Variants in ANKFY1 observed in about 807,000 individuals in gnomAD.
ANKFY1 encodes ankyrin repeat and FYVE domain containing 1.
In ANKFY1, 47 loss-of-function variants were observed where a neutral mutation model predicts 128.3. The observed-to-expected ratio is 0.37, with a 90% CI of 0.29 to 0.47. The LOEUF (loss-of-function observed/expected upper bound fraction) is 0.47, where lower values mean the gene tolerates loss of function less well. ANKFY1 is among the 20% of genes least tolerant of loss of function. ANKFY1 has a pLI of 1.00. For synonymous variants in ANKFY1, 553 were observed against 601.6 expected (o/e 0.92, Z 1.18); for missense variants, 1,222 against 1,510.6 (o/e 0.81, Z 3.17).
intron 7 of ANKFY1, among the ~76,000 whole-genome samples, chr17:4,202,663 C>T (rs1378525969): frequency 3.1e-5 from 4 of 129,652 alleles, no homozygotes; most frequent in Non-Finnish European, 6.2e-5. Context: ...TGCCACTGCA[C>T]TTCAGCCTGG....
intron 2 of ANKFY1, among the ~76,000 whole-genome samples, chr17:4,239,021 G>A (rs558616227): frequency 1.2e-3 from 177 of 152,202 alleles, no homozygotes; most frequent in Non-Finnish European, 2.3e-3. Flanking sequence ...GCCTCCCAAA[G>A]TGCTGGGATT....
intron 3 of ANKFY1, among the ~76,000 whole-genome samples, chr17:4,221,625 T>C (rs1345991688): frequency 6.6e-6 from 1 of 152,204 alleles, no homozygotes; most frequent in Non-Finnish European, 1.5e-5. Context: ...AACTGTTTTT[T>C]TCTTTTTATT....
chr17:4,200,063 A>AT (rs71383528), intron 7 of ANKFY1, among the ~76,000 whole-genome samples: 73,685 of 142,428 alleles, frequency 0.52, 20,305 homozygotes, highest in South Asian at 0.65. Context: ...GGTTTTGGGG[A>AT]TTTTTTTTTT....
chr17:4,224,577 G>A (rs984143247), intron 3 of ANKFY1, among the ~76,000 whole-genome samples: 9 of 151,738 alleles, frequency 5.9e-5, no homozygotes, highest in Non-Finnish European at 1.2e-4. Context: ...CAATATGAGA[G>A]GAAGAAAATT....
At chr17:4,177,979 C>T (rs536577449) in intron 18 of ANKFY1, 2 of 152,676 alleles carry the variant, frequency 1.3e-5, no homozygotes, top group East Asian at 1.9e-4. Flanking sequence ...CACGGCACGC[C>T]GCTTCACAGG....
intron 1 of ANKFY1, among the ~76,000 whole-genome samples, chr17:4,261,428 C>G (rs1019656529): frequency 1.3e-5 from 2 of 152,152 alleles, no homozygotes; most frequent in African/African-American, 4.8e-5. Context: ...TGTGGTGAGC[C>G]AAGATTGCGC....
At chr17:4,202,485 T>G (rs1199127705) in intron 7 of ANKFY1, among the ~76,000 whole-genome samples, 1 of 148,680 alleles carries the variant, frequency 6.7e-6, no homozygotes, top group Non-Finnish European at 1.5e-5. Context: ...GATCACGAGG[T>G]CAGGAGATCG....
At chr17:4,211,706 A>G (rs1486138176) in intron 4 of ANKFY1, among the ~76,000 whole-genome samples, 1 of 152,052 alleles carries the variant, frequency 6.6e-6, no homozygotes, top group African/African-American at 2.4e-5. Context: ...TGTCTCTACC[A>G]AAACAATTGA....
At chr17:4,229,081 G>A (rs2060472660) in intron 3 of ANKFY1, among the ~76,000 whole-genome samples, 1 of 152,086 alleles carries the variant, frequency 6.6e-6, no homozygotes, top group Non-Finnish European at 1.5e-5. Context: ...CAAAATATTT[G>A]CAATGTAGTC....
Position 4,248,950 on chromosome 17 carries a change from C to T in ANKFY1, c.11-6502G>A, listed in dbSNP as rs181351169. 1.3e-3 allele frequency: 210 copies of T among 165,910 alleles called. 1 individual carries two copies. The highest frequency in any genetic ancestry group is 4.7e-3 in the African/African-American group (196 of 41,814). 10.3% of individuals were successfully genotyped at this position (165,910 alleles called of 1,614,324 possible). ...TGAGTGCAGTCTATGATCAGACTTT[C>T]AATAAGTATTCTTTCTGATAGTTCA... is the stretch of plus-strand genomic sequence containing the variant. On this transcript the variant is annotated intron_variant, in intron 1 of 24. Coordinates refer to ENST00000341657, the MANE Select transcript of ANKFY1 (RefSeq NM_001330063.2).
At chr17:4,261,261 G>A (rs150204278) in intron 1 of ANKFY1, among the ~76,000 whole-genome samples, 34 of 152,324 alleles carry the variant, frequency 2.2e-4, no homozygotes, top group Non-Finnish European at 4.0e-4. Flanking sequence ...GGCCGAGGCC[G>A]GCAGATCAGC....
intron 1 of ANKFY1, among the ~76,000 whole-genome samples, chr17:4,252,315 C>A (rs1391921083): frequency 1.1e-4 from 16 of 152,038 alleles, no homozygotes; most frequent in Admixed American, 1.0e-3. Context: ...ACCTATAATC[C>A]CAAAAGTTTG....
rs138378482 is a variant in ANKFY1, at chr17:4,179,260, T to C, written c.2398-203A>G. 1,652 of 625,292 alleles carry C rather than the reference T, an allele frequency of 2.6e-3. 26 individuals are homozygous for C. The highest frequency in any genetic ancestry group is 0.024 in the East Asian group (857 of 35,530). 38.7% of individuals were successfully genotyped at this position (625,292 alleles called of 1,614,324 possible). A position where few individuals can be genotyped will look rare whatever the true frequency, so the allele number is the denominator to read the frequency against. ...ACACCACGTTCCAGTGACCCAGTGG[T>C]GACCGTAGGACCAGCACAAACATGT... On this transcript the variant is annotated intron_variant, in intron 17 of 24. Coordinates refer to ENST00000341657, the MANE Select transcript of ANKFY1 (RefSeq NM_001330063.2).
At chr17:4,183,708 G>C in intron 13 of ANKFY1, 104 bp downstream of exon 13, 3 of 1,410,516 alleles carry the variant, frequency 2.1e-6, no homozygotes, top group Non-Finnish European at 2.9e-6. Flanking sequence ...ACAACCAAAT[G>C]ATTAGCCCAG....
chr17:4,169,254 G>C lies in ANKFY1; in HGVS notation c.3321C>G (p.Gly1107=). ...MLSKEPPWCD[G]SYCYECTARF... Reference sequence around the variant, plus strand: ...TGGCAGTGCACTCATAGCAGTAGGAGCCGTCACACCACGGAGGCTCCTTGG... The same window carrying C: ...TGGCAGTGCACTCATAGCAGTAGGACCCGTCACACCACGGAGGCTCCTTGG... The change falls in exon 24 of 25, where the codon GGC becomes GGG. Residue 1107 remains glycine (G), a synonymous_variant. Coordinates refer to ENST00000341657, the MANE Select transcript of ANKFY1 (RefSeq NM_001330063.2). This position sits in a 1 kb window ranked among gnomAD's most constrained non-coding sequence, Gnocchi z 5.0. 6.4e-7 allele frequency: 1 copy of C among 1,552,192 alleles called. No individual in the cohort carries two copies. Among genetic ancestry groups the C allele is most frequent in the Non-Finnish European group, 8.7e-7 (1 of 1,147,562 alleles).
rs1376412423 is a variant in ANKFY1 at position 4,169,603 on chromosome 17, C to A, written c.3287-315G>T. Among the ~76,000 whole-genome samples, 2 of 152,122 alleles carry A rather than the reference C, an allele frequency of 1.3e-5. No homozygotes were observed. The highest frequency in any genetic ancestry group is 1.3e-4 in the Admixed American group (2 of 15,270). On this transcript the variant is annotated intron_variant, in intron 23 of 24. Transcript: ENST00000341657. This position sits in a 1 kb window ranked among gnomAD's most constrained non-coding sequence, Gnocchi z 5.0. The stretch of plus-strand genomic sequence containing the variant: ...CACGGTAGGGAGAGAACAGAGACCA[C>A]ACAGCTAGACAAACTGGCCAGGGGA...
At chr17:4,222,691 C>T in intron 3 of ANKFY1, 1 of 858,632 alleles carries the variant, frequency 1.2e-6, no homozygotes, top group South Asian at 1.3e-5. Context: ...GCAGCTCCAA[C>T]CACTTCTACG....
At chr17:4,183,953 T>C (rs1442427529) in intron 12 of ANKFY1, 43 bp from the exon 13 acceptor site, 4 of 1,526,424 alleles carry the variant, frequency 2.6e-6, no homozygotes, top group Admixed American at 1.7e-5. Context: ...TGTCACCATC[T>C]GTGGATCACA....
intron 10 of ANKFY1, 54 bp from the exon 11 acceptor site, chr17:4,189,533 G>A (rs753395335): frequency 1.5e-5 from 22 of 1,431,766 alleles, no homozygotes; most frequent in South Asian, 8.6e-5. Context: ...ATGCGGTCAC[G>A]CTGCACAACA....
Sources: gnomAD v4.1 joint callset for allele counts (sites outside exome capture counted in the v4.1 genomes callset) on GRCh38, gnomAD v4.1.1 for gene constraint, Gnocchi (gnomAD v3.1) non-coding constraint, MANE v1.5 for transcripts, NCBI Gene and HGNC (gene_info 2026-07-23, HGNC 2026-07-21) for gene names.